RERE: variants seen among roughly 807,000 people sequenced by gnomAD.
RERE encodes arginine-glutamic acid dipeptide repeats protein.
RERE carries 40 observed loss-of-function variants against 146.1 expected under a neutral mutation model. That is an observed-to-expected ratio of 0.27 (90% CI 0.21 to 0.36). The LOEUF (loss-of-function observed/expected upper bound fraction) is 0.36, where lower values mean the gene tolerates loss of function less well. Ranked by LOEUF, RERE falls within the 10% of genes least tolerant of loss-of-function variation. RERE has a pLI of 1.00. For synonymous variants in RERE, 1,003 were observed against 866.0 expected (o/e 1.16, Z -2.78); for missense variants, 1,933 against 2,138.7 (o/e 0.90, Z 1.90).
chr1:8,692,219 A>G (rs1639221182), intron 1 of RERE, among the ~76,000 whole-genome samples: 1 of 152,234 alleles, frequency 6.6e-6, no homozygotes, highest in South Asian at 2.1e-4. Flanking sequence ...ACAAATTCAT[A>G]CTACGGTCAT....
chr1:8,689,773 GA>G (rs370873260), intron 1 of RERE, among the ~76,000 whole-genome samples: 448 of 127,718 alleles, frequency 3.5e-3, no homozygotes, highest in Middle Eastern at 0.012. Context: ...ATGGATACAG[GA>G]AAAAAAAAAA....
At chr1:8,531,445 CAA>C (rs59456624) in intron 7 of RERE, among the ~76,000 whole-genome samples, 2 of 126,250 alleles carry the variant, frequency 1.6e-5, no homozygotes. Context: ...TCCACCTCAA[CAA>C]AAAAAAAAAA....
At chr1:8,577,220 T>C (rs1353573918) in intron 4 of RERE, among the ~76,000 whole-genome samples, 1 of 152,198 alleles carries the variant, frequency 6.6e-6, no homozygotes, top group African/African-American at 2.4e-5. Flanking sequence ...TTTTTTGTTT[T>C]TTTAAATTAT....
chr1:8,782,742 C>A (rs1258887693), intron 1 of RERE, among the ~76,000 whole-genome samples: 1 of 151,764 alleles, frequency 6.6e-6, no homozygotes, highest in African/African-American at 2.4e-5. Flanking sequence ...CCTGTCTCTA[C>A]TAAAAACACA....
chr1:8,713,838 A>C (rs564995308), intron 1 of RERE, among the ~76,000 whole-genome samples: 66 of 152,312 alleles, frequency 4.3e-4, no homozygotes, highest in African/African-American at 1.5e-3. Flanking sequence ...TATTTCAAAA[A>C]TTACAATTTT....
intron 4 of RERE, among the ~76,000 whole-genome samples, chr1:8,600,040 C>T (rs971028109): frequency 6.6e-6 from 1 of 152,182 alleles, no homozygotes; most frequent in Non-Finnish European, 1.5e-5. Flanking sequence ...AAATGGATCA[C>T]GGCGGCGGTT....
intron 1 of RERE, among the ~76,000 whole-genome samples, chr1:8,746,900 A>C: frequency 6.9e-6 from 1 of 145,876 alleles, no homozygotes. Flanking sequence ...GAGAGAGAGA[A>C]AGGGAGAGGG....
intron 1 of RERE, among the ~76,000 whole-genome samples, chr1:8,711,203 C>CTAATAAGTAT (rs1318432393): frequency 7.9e-5 from 11 of 139,532 alleles, no homozygotes; most frequent in African/African-American, 2.4e-4. Context: ...TGATAAACTG[C>CTAATAAGTAT]TAATAAGTAT....
intron 2 of RERE, among the ~76,000 whole-genome samples, chr1:8,645,854 C>T (rs527290646): frequency 2.6e-5 from 4 of 152,136 alleles, no homozygotes; most frequent in Non-Finnish European, 4.4e-5. Context: ...CTTTCACATA[C>T]GTGGAATTTG....
At chr1:8,813,743 T>G (rs751682275) in intron 1 of RERE, among the ~76,000 whole-genome samples, 1 of 151,480 alleles carries the variant, frequency 6.6e-6, no homozygotes, top group Non-Finnish European at 1.5e-5. Context: ...GCCCCCCAAG[T>G]AGCTGGGATT....
At chr1:8,652,879 T>C (rs567382836) in intron 2 of RERE, among the ~76,000 whole-genome samples, 2 of 152,232 alleles carry the variant, frequency 1.3e-5, no homozygotes, top group East Asian at 1.9e-4. Flanking sequence ...CCCAGCTAAT[T>C]TGTAAAAATT....
intron 4 of RERE, among the ~76,000 whole-genome samples, chr1:8,570,165 C>T (rs1287966271): frequency 1.3e-5 from 2 of 151,894 alleles, no homozygotes; most frequent in Middle Eastern, 3.4e-3. Context: ...GGTGAAACCC[C>T]GTCTCTACTA....
chr1:8,612,596 A>C (rs1387126254), intron 4 of RERE, among the ~76,000 whole-genome samples: 2 of 152,202 alleles, frequency 1.3e-5, no homozygotes, highest in Non-Finnish European at 2.9e-5. Context: ...AAAAGTTTAC[A>C]AAAAAATTAA....
chr1:8,678,413 A>C (rs1446715831), intron 1 of RERE, among the ~76,000 whole-genome samples: 2 of 151,992 alleles, frequency 1.3e-5, no homozygotes, highest in Non-Finnish European at 2.9e-5. Flanking sequence ...TGGGAGGCCA[A>C]GGCGGGCAAT....
intron 1 of RERE, among the ~76,000 whole-genome samples, chr1:8,793,666 T>G (rs930337822): frequency 3.5e-4 from 54 of 152,372 alleles, no homozygotes; most frequent in African/African-American, 1.3e-3. Flanking sequence ...CAGATAACTC[T>G]GAGTCAGGAC....
intron 6 of RERE, among the ~76,000 whole-genome samples, chr1:8,556,114 A>G (rs749661498): frequency 1.5e-4 from 23 of 152,080 alleles, no homozygotes; most frequent in Non-Finnish European, 2.5e-4. Context: ...GCTTCCCAAA[A>G]TGCCAGGATT....
rs967236709 is a variant in RERE, at chr1:8,423,055, C to T, written c.1204-248G>A. 1.9e-5 allele frequency: 9 copies of T among 480,944 alleles called. No individual in the cohort carries two copies. The highest frequency in any genetic ancestry group is 3.1e-5 in the Non-Finnish European group (8 of 262,128). 29.8% of individuals were successfully genotyped at this position (480,944 alleles called of 1,614,324 possible). A position where few individuals can be genotyped will look rare whatever the true frequency, so the allele number is the denominator to read the frequency against. On this transcript the variant is annotated intron_variant, in intron 11 of 22. Transcript: ENST00000400908. This position sits in a 1 kb window ranked among gnomAD's most constrained non-coding sequence, Gnocchi z 5.4. ...GCAGCGCGTTTAAGAGAAGGACGTCCTGCGTCTGAGGCTAAGAAGCAATCT... is the reference window on the plus strand; with the variant it reads ...GCAGCGCGTTTAAGAGAAGGACGTCTTGCGTCTGAGGCTAAGAAGCAATCT...
At chr1:8,750,434 G>C in intron 1 of RERE, 2 of 809,978 alleles carry the variant, frequency 2.5e-6, no homozygotes, top group Non-Finnish European at 4.3e-6. Context: ...TGGAACCATG[G>C]AGGGTGTTGA....
chr1:8,681,707 A>G lies in RERE; in HGVS notation c.-144-25266T>C, dbSNP rs894290996. Among the ~76,000 whole-genome samples, 6 of 152,216 alleles carry G rather than the reference A, an allele frequency of 3.9e-5. No individual in the cohort carries two copies. In the South Asian group the frequency reaches 8.3e-4, roughly 21 times the overall value. ...AAAAAAGTAAATGAAATTTATCTAT[A>G]ATACTAGAGATCAACAAAGAAATTA... On this transcript the variant is annotated intron_variant, in intron 1 of 22. Coordinates refer to ENST00000400908, the MANE Select transcript of RERE (RefSeq NM_001042681.2).
Sources: gnomAD v4.1 joint callset for allele counts (sites outside exome capture counted in the v4.1 genomes callset) on GRCh38, gnomAD v4.1.1 for gene constraint, Gnocchi (gnomAD v3.1) non-coding constraint, MANE v1.5 for transcripts, NCBI Gene and HGNC (gene_info 2026-07-23, HGNC 2026-07-21) for gene names.